The following LSAMP variants were observed in gnomAD, a reference collection of about 807,000 sequenced individuals.
LSAMP encodes limbic system associated membrane protein, also known as limbic system-associated membrane protein.
A neutral mutation model predicts 38.6 loss-of-function variants in LSAMP; 7 were observed. The observed-to-expected ratio is 0.18, with a 90% confidence interval of 0.10 to 0.34. LSAMP has a LOEUF of 0.34. Ranked by LOEUF, LSAMP falls within the 10% of genes least tolerant of loss-of-function variation. The pLI is 1.00. For missense variants in LSAMP, 313 were observed against 420.0 expected, an observed-to-expected ratio of 0.75 and a Z score of 2.23; for synonymous variants, 154 against 166.8, an observed-to-expected ratio of 0.92 and a Z score of 0.59.
chr3:116,234,514 A>G (rs1421794260), intron 1 of LSAMP, among the ~76,000 whole-genome samples: 1 of 152,032 alleles, frequency 6.6e-6, no homozygotes, highest in Non-Finnish European at 1.5e-5. Flanking sequence ...TTATTAAAAT[A>G]AATCCTGTTA....
chr3:115,942,266 G>C (rs1054471274), intron 3 of LSAMP, among the ~76,000 whole-genome samples: 5 of 152,106 alleles, frequency 3.3e-5, no homozygotes, highest in South Asian at 4.1e-4. Flanking sequence ...ATGTTGCCCA[G>C]CTTCAAGTGT....
At chr3:115,817,358 T>C (rs1351814348) in intron 6 of LSAMP, among the ~76,000 whole-genome samples, 3 of 152,244 alleles carry the variant, frequency 2.0e-5, no homozygotes, top group African/African-American at 7.2e-5. Context: ...TTAGACTATA[T>C]GCTCCACGAG....
At chr3:116,149,321 G>A (rs1709558903) in intron 1 of LSAMP, among the ~76,000 whole-genome samples, 1 of 151,988 alleles carries the variant, frequency 6.6e-6, no homozygotes, top group South Asian at 2.1e-4. Context: ...TGCCTTTGCT[G>A]TCCCTAACAG....
chr3:116,358,724 T>C lies in LSAMP; in HGVS notation c.155+86153A>G, dbSNP rs145949716. Among the ~76,000 whole-genome samples, 655 of 152,236 alleles carry C rather than the reference T, an allele frequency of 4.3e-3. 5 individuals are homozygous for C. Among genetic ancestry groups the C allele is most frequent in the African/African-American group, 0.015 (621 of 41,578 alleles). ...CTACACAGAAATGCTGACTGAATCA[T>C]TTGTACCATAAAGTACAAAAATGTG... On this transcript the variant is annotated intron_variant, in intron 1 of 6. Transcript: ENST00000490035.
chr3:116,086,725 T>C (rs1370866488), intron 1 of LSAMP, among the ~76,000 whole-genome samples, 169 bp from the exon 2 acceptor site: 1 of 152,190 alleles, frequency 6.6e-6, no homozygotes, highest in Non-Finnish European at 1.5e-5. Flanking sequence ...TCATTTAAGA[T>C]CTAATTACCA....
chr3:116,331,682 A>G (rs2047855827), intron 1 of LSAMP, among the ~76,000 whole-genome samples: 1 of 152,202 alleles, frequency 6.6e-6, no homozygotes, highest in South Asian at 2.1e-4. Flanking sequence ...CTGCAAGGTA[A>G]AATGAAAGGA....
chr3:115,931,353 T>C lies in LSAMP; in HGVS notation c.515-78736A>G, dbSNP rs532610803. Among the ~76,000 whole-genome samples, 3 of 152,334 alleles carry C rather than the reference T, an allele frequency of 2.0e-5. No homozygotes were observed. The East Asian group carries it at 5.8e-4, about 29-fold the overall frequency. On this transcript the variant is annotated intron_variant, in intron 3 of 6. Coordinates refer to ENST00000490035, the MANE Select transcript of LSAMP (RefSeq NM_002338.5). ...ACTTTTCATGGAGGTCATGACTAAG[T>C]TGAGAAAGACTTTCTTTGCCTGCCC...
intron 1 of LSAMP, among the ~76,000 whole-genome samples, chr3:116,254,135 C>A (rs553303497): frequency 6.6e-6 from 1 of 152,122 alleles, no homozygotes; most frequent in African/African-American, 2.4e-5. Flanking sequence ...GGGACCATCA[C>A]TTGGTATCCC....
intron 1 of LSAMP, among the ~76,000 whole-genome samples, chr3:116,158,327 T>C (rs1424609220): frequency 6.6e-6 from 1 of 152,046 alleles, no homozygotes; most frequent in African/African-American, 2.4e-5. Flanking sequence ...TCACTCCTAC[T>C]CAACCTAGTA....
intron 1 of LSAMP, among the ~76,000 whole-genome samples, chr3:116,279,676 T>C (rs2047101835): frequency 6.6e-6 from 1 of 152,220 alleles, no homozygotes; most frequent in African/African-American, 2.4e-5. Context: ...TGTTCAGTAA[T>C]AATACTGTCA....
At chr3:116,205,186 T>G (rs1032023444) in intron 1 of LSAMP, among the ~76,000 whole-genome samples, 3 of 149,152 alleles carry the variant, frequency 2.0e-5, no homozygotes, top group Non-Finnish European at 3.0e-5. Context: ...AGTTCACTCA[T>G]GATTTGGCTC....
chr3:116,003,627 A>C (rs1328552161), intron 3 of LSAMP, among the ~76,000 whole-genome samples: 2 of 152,214 alleles, frequency 1.3e-5, no homozygotes, highest in East Asian at 3.8e-4. Context: ...AAGGATCTTA[A>C]GATGAGATCA....
chr3:115,937,447 C>G (rs1483993855), intron 3 of LSAMP, among the ~76,000 whole-genome samples: 5 of 150,604 alleles, frequency 3.3e-5, no homozygotes, highest in Non-Finnish European at 7.4e-5. Flanking sequence ...TCAAGACCAG[C>G]CTGGGCAACA....
intron 2 of LSAMP, among the ~76,000 whole-genome samples, chr3:116,079,679 G>A (rs1576350480): frequency 6.8e-6 from 1 of 146,332 alleles, no homozygotes; most frequent in African/African-American, 2.5e-5. Flanking sequence ...ATTGTATTTT[G>A]TATACTTAAA....
chr3:116,262,123 T>C (rs188952689), intron 1 of LSAMP, among the ~76,000 whole-genome samples: 6 of 152,196 alleles, frequency 3.9e-5, no homozygotes, highest in Admixed American at 3.9e-4. Context: ...GAAATATTCA[T>C]ATTTTCTTTG....
intron 2 of LSAMP, among the ~76,000 whole-genome samples, chr3:116,066,749 T>C (rs1356370733): frequency 2.0e-5 from 3 of 152,246 alleles, no homozygotes; most frequent in Non-Finnish European, 2.9e-5. Context: ...AAGTTCTTTA[T>C]ATGATAGCTC....
At chr3:116,121,288 A>G (rs1708869951) in intron 1 of LSAMP, among the ~76,000 whole-genome samples, 1 of 152,332 alleles carries the variant, frequency 6.6e-6, no homozygotes, top group African/African-American at 2.4e-5. Flanking sequence ...GCCCAGAAAC[A>G]AGTTTGCAAC....
intron 1 of LSAMP, among the ~76,000 whole-genome samples, chr3:116,268,137 A>C (rs550679479): frequency 1.1e-4 from 17 of 152,286 alleles, no homozygotes; most frequent in South Asian, 8.3e-4. Flanking sequence ...ATATGCAACT[A>C]AATCTAATCC....
intron 3 of LSAMP, among the ~76,000 whole-genome samples, chr3:115,976,157 A>G (rs993892647): frequency 2.6e-4 from 39 of 152,200 alleles, no homozygotes; most frequent in African/African-American, 8.9e-4. Flanking sequence ...TAGTCTCCTT[A>G]AAGAGAATTT....
Sources: gnomAD v4.1 joint callset for allele counts (sites outside exome capture counted in the v4.1 genomes callset) on GRCh38, gnomAD v4.1.1 for gene constraint, MANE v1.5 for transcripts, NCBI Gene and HGNC (gene_info 2026-07-23, HGNC 2026-07-21) for gene names.